IL1RAPL1: variants seen among roughly 807,000 people sequenced by gnomAD.
The protein encoded by IL1RAPL1 is interleukin-1 receptor accessory protein-like 1.
Under a neutral mutation model 48.4 loss-of-function variants are expected in IL1RAPL1, and 3 were observed. The ratio of observed to expected loss-of-function variants is 0.06; its 90% CI spans 0.03 to 0.16. The LOEUF (loss-of-function observed/expected upper bound fraction) is 0.16, where lower values mean the gene tolerates loss of function less well. Among genes scored for constraint, IL1RAPL1 ranks in the 10% least tolerant of loss-of-function variants. The probability of loss-of-function intolerance (pLI) is 1.00; values close to 1 mark genes in which losing one functional copy is unlikely to be tolerated. For synonymous variants in IL1RAPL1, 185 were observed against 187.7 expected (o/e 0.99, Z 0.12); for missense variants, 349 against 530.6 (o/e 0.66, Z 3.36).
At chrX:29,344,833 T>G (rs1933129865) in intron 3 of IL1RAPL1, among the ~76,000 whole-genome samples, 1 of 111,946 alleles carries the variant, frequency 8.9e-6, no homozygotes, top group Non-Finnish European at 1.9e-5. Flanking sequence ...AGGCAGGGTT[T>G]CACCATATCG....
At chrX:29,553,524 T>A (rs1406219722) in intron 5 of IL1RAPL1, among the ~76,000 whole-genome samples, 1 of 111,804 alleles carries the variant, frequency 8.9e-6, no homozygotes, top group Non-Finnish European at 1.9e-5. Context: ...CCCTGGACTG[T>A]GAAACACACT....
chrX:28,971,244 C>A (rs1925062881), intron 2 of IL1RAPL1, among the ~76,000 whole-genome samples: 2 of 111,777 alleles, frequency 1.8e-5, no homozygotes, highest in African/African-American at 3.3e-5. Context: ...TTTCCCCTAC[C>A]CCATTGAAAC....
chrX:28,932,671 A>C (rs780663933), intron 2 of IL1RAPL1, among the ~76,000 whole-genome samples: 1 of 110,061 alleles, frequency 9.1e-6, no homozygotes, highest in East Asian at 2.8e-4. Flanking sequence ...CTAATTTTTA[A>C]CATTGAGTAT....
At chrX:28,611,287 C>T (rs1934144318) in intron 1 of IL1RAPL1, among the ~76,000 whole-genome samples, 1 of 111,529 alleles carries the variant, frequency 9.0e-6, no homozygotes. Context: ...CTTTTTTCAC[C>T]TAAACTTCAA....
chrX:29,081,039 CT>C (rs1927828331), intron 2 of IL1RAPL1, among the ~76,000 whole-genome samples: 1 of 48,192 alleles, frequency 2.1e-5, no homozygotes, highest in Non-Finnish European at 4.1e-5. Context: ...CTTTTCTTTT[CT>C]TTTCTTTTCT....
chrX:29,781,177 G>T (rs746367235), intron 6 of IL1RAPL1, among the ~76,000 whole-genome samples: 2 of 112,020 alleles, frequency 1.8e-5, no homozygotes, highest in African/African-American at 6.5e-5. Context: ...AACAGCATAC[G>T]CATTCCAACA....
At chrX:29,917,940 T>A (rs781605228) in intron 7 of IL1RAPL1, among the ~76,000 whole-genome samples, 2 of 104,368 alleles carry the variant, frequency 1.9e-5, no homozygotes, top group African/African-American at 7.0e-5. Context: ...TTGGCCAACA[T>A]GGAGAAACGT....
At chrX:29,662,031 C>T (rs188047316) in intron 5 of IL1RAPL1, among the ~76,000 whole-genome samples, 9 of 111,519 alleles carry the variant, frequency 8.1e-5, no homozygotes, top group African/African-American at 2.0e-4. Context: ...ACAAATGCTA[C>T]TTGGGGCTCT....
chrX:28,913,830 T>A (rs1923420916), intron 2 of IL1RAPL1, among the ~76,000 whole-genome samples: 1 of 112,172 alleles, frequency 8.9e-6, no homozygotes, highest in African/African-American at 3.2e-5. Context: ...GAAGTTCAGC[T>A]CTGGCTATAT....
chrX:28,999,498 G>A (rs1056086097), intron 2 of IL1RAPL1, among the ~76,000 whole-genome samples: 19 of 111,325 alleles, frequency 1.7e-4, no homozygotes, highest in Admixed American at 7.7e-4. Flanking sequence ...TCATTTTCCT[G>A]TGTCTTTTAT....
intron 1 of IL1RAPL1, among the ~76,000 whole-genome samples, chrX:28,735,163 T>C (rs1422879169): frequency 1.8e-5 from 2 of 112,099 alleles, no homozygotes; most frequent in African/African-American, 6.5e-5. Context: ...TTATTTTTCT[T>C]ACTATACAAT....
intron 1 of IL1RAPL1, among the ~76,000 whole-genome samples, chrX:28,610,095 G>T (rs971474356): frequency 2.9e-4 from 32 of 112,146 alleles, no homozygotes; most frequent in Non-Finnish European, 5.8e-4. Context: ...GAAGCTGTTT[G>T]TAGCTCTGCC....
intron 3 of IL1RAPL1, among the ~76,000 whole-genome samples, chrX:29,345,682 G>A (rs961819961): frequency 2.7e-5 from 3 of 111,185 alleles, no homozygotes; most frequent in Non-Finnish European, 5.7e-5. Flanking sequence ...ATTTAAGAAA[G>A]CCAGTATCAG....
chrX:29,403,520 T>C (rs1934019835), intron 5 of IL1RAPL1, among the ~76,000 whole-genome samples: 1 of 111,882 alleles, frequency 8.9e-6, no homozygotes, highest in African/African-American at 3.2e-5. Flanking sequence ...TACCTTCATG[T>C]TGAGAGTACT....
intron 2 of IL1RAPL1, among the ~76,000 whole-genome samples, chrX:28,978,531 C>T (rs1281843296): frequency 1.8e-5 from 2 of 112,025 alleles, no homozygotes; most frequent in African/African-American, 3.3e-5. Context: ...GACAACTTTA[C>T]TCAGAATTTT....
chrX:28,958,948 T>G (rs1403161859), intron 2 of IL1RAPL1, among the ~76,000 whole-genome samples: 1 of 111,793 alleles, frequency 8.9e-6, no homozygotes, highest in Non-Finnish European at 1.9e-5. Flanking sequence ...CTGTCATTTT[T>G]CTTTTGTTAC....
intron 2 of IL1RAPL1, among the ~76,000 whole-genome samples, chrX:28,969,040 T>C (rs1924991504): frequency 8.9e-6 from 1 of 112,534 alleles, no homozygotes; most frequent in Non-Finnish European, 1.9e-5. Context: ...GCCCTCATTC[T>C]TTGACATCTG....
chrX:29,052,015 A>G (rs968263000), intron 2 of IL1RAPL1, among the ~76,000 whole-genome samples: 6 of 112,263 alleles, frequency 5.3e-5, no homozygotes, highest in East Asian at 2.8e-4. Flanking sequence ...GTGAGACTCT[A>G]TGGACACCTT....
intron 6 of IL1RAPL1, among the ~76,000 whole-genome samples, chrX:29,806,261 T>C (rs1436611290): frequency 8.9e-6 from 1 of 111,980 alleles, no homozygotes; most frequent in Non-Finnish European, 1.9e-5. Flanking sequence ...GAAGGCTTTG[T>C]AGTTAAGTAG....
Sources: allele counts gnomAD v4.1 joint callset (sites outside exome capture counted in the v4.1 genomes callset), GRCh38; gene constraint gnomAD v4.1.1; transcripts MANE v1.5; gene names NCBI Gene and HGNC (gene_info 2026-07-23, HGNC 2026-07-21).